The following OXCT1 variants were observed in gnomAD, a reference collection of about 807,000 sequenced individuals.
OXCT1 encodes succinyl-CoA:3-ketoacid coenzyme A transferase 1, mitochondrial.
In OXCT1, 27 loss-of-function variants were observed where a neutral mutation model predicts 69.6. The observed-to-expected ratio is 0.39, with a 90% CI of 0.29 to 0.54. OXCT1 has a LOEUF of 0.54. Ranked by LOEUF, OXCT1 falls within the 20% of genes least tolerant of loss-of-function variation. The pLI, the probability that OXCT1 is intolerant of heterozygous loss-of-function variation, is 0.72. For synonymous variants in OXCT1, 202 were observed against 217.8 expected, an observed-to-expected ratio of 0.93 and a Z score of 0.64; for missense variants, 437 against 650.2, an observed-to-expected ratio of 0.67 and a Z score of 3.57.
intron 9 of OXCT1, among the ~76,000 whole-genome samples, chr5:41,804,837 T>C (rs577149757): frequency 9.4e-4 from 143 of 152,220 alleles, no homozygotes; most frequent in South Asian, 6.4e-3. Flanking sequence ...CTTTCTGTCC[T>C]AGGTCTTTTA....
intron 11 of OXCT1, among the ~76,000 whole-genome samples, chr5:41,797,441 T>C (rs1233221091): frequency 6.6e-6 from 1 of 152,218 alleles, no homozygotes; most frequent in Non-Finnish European, 1.5e-5. Flanking sequence ...TATCCTAAAA[T>C]TGAATCCATG....
At chr5:41,742,854 G>A (rs377248112) in intron 15 of OXCT1, among the ~76,000 whole-genome samples, 1,680 of 152,052 alleles carry the variant, frequency 0.011, 26 homozygotes, top group Middle Eastern at 0.031. Context: ...TATATGTGCC[G>A]CATTTTCTTA....
At chr5:41,804,845 T>C (rs975286117) in intron 9 of OXCT1, among the ~76,000 whole-genome samples, 1 of 152,112 alleles carries the variant, frequency 6.6e-6, no homozygotes, top group Non-Finnish European at 1.5e-5. Flanking sequence ...CCTAGGTCTT[T>C]TAAGTATGGC....
intron 8 of OXCT1, among the ~76,000 whole-genome samples, chr5:41,806,061 GA>G (rs1312495145): frequency 6.6e-6 from 1 of 152,066 alleles, no homozygotes; most frequent in Non-Finnish European, 1.5e-5. Context: ...AGGGCTGTCA[GA>G]ATGTGTTTAC....
At chr5:41,828,266 C>T (rs1388029780) in intron 7 of OXCT1, among the ~76,000 whole-genome samples, 1 of 151,766 alleles carries the variant, frequency 6.6e-6, no homozygotes, top group Non-Finnish European at 1.5e-5. Context: ...TGCCACCATG[C>T]CTGGCTAATT....
intron 1 of OXCT1, 83 bp from the exon 2 acceptor site, chr5:41,862,833 G>C: frequency 1.2e-6 from 1 of 802,570 alleles, no homozygotes; most frequent in Non-Finnish European, 2.2e-6. Flanking sequence ...TCAATTGATA[G>C]ACAAATGATA....
rs115207245 is a variant in OXCT1 at position 41,797,959 on chromosome 5, T to C, written c.1099+3063A>G. 3.5e-3 allele frequency among the ~76,000 whole-genome samples: 535 copies of C among 152,282 alleles called. 4 individuals are homozygous for C. Among genetic ancestry groups the C allele is most frequent in the African/African-American group, 0.012 (509 of 41,552 alleles). ...ATTACAAGGCAAAATGTGATATGCT[T>C]CTCAGAGAGACACTAGATATGTTGT... On this transcript the variant is annotated intron_variant, in intron 11 of 16. Transcript: ENST00000196371.
At chr5:41,863,263 C>T (rs1385124233) in intron 1 of OXCT1, among the ~76,000 whole-genome samples, 3 of 152,144 alleles carry the variant, frequency 2.0e-5, no homozygotes, top group African/African-American at 7.2e-5. Flanking sequence ...ATACTATATA[C>T]ATTGTTGAAC....
intron 13 of OXCT1, among the ~76,000 whole-genome samples, chr5:41,787,965 C>CAACA (rs574055533): frequency 1.3e-5 from 2 of 151,844 alleles, no homozygotes; most frequent in African/African-American, 4.8e-5. Flanking sequence ...AGAAAAAGTG[C>CAACA]AACAAACAGA....
intron 7 of OXCT1, among the ~76,000 whole-genome samples, chr5:41,833,681 T>C (rs1426103030): frequency 6.6e-6 from 1 of 152,094 alleles, no homozygotes; most frequent in Non-Finnish European, 1.5e-5. Flanking sequence ...AAGAACCAAT[T>C]AGAATAACTA....
intron 1 of OXCT1, chr5:41,869,980 GCCA>G: frequency 7.4e-5 from 32 of 435,124 alleles, no homozygotes; most frequent in Middle Eastern, 6.8e-4. Context: ...GCCGACGAGC[GCCA>G]AAGGGCTCGG....
At chr5:41,834,876 A>G (rs533986884) in intron 7 of OXCT1, among the ~76,000 whole-genome samples, 1 of 152,302 alleles carries the variant, frequency 6.6e-6, no homozygotes, top group Non-Finnish European at 1.5e-5. Context: ...ATTTACAGCT[A>G]TAAGTGCCTA....
chr5:41,811,889 T>C (rs1459019639), intron 7 of OXCT1, among the ~76,000 whole-genome samples: 1 of 151,970 alleles, frequency 6.6e-6, no homozygotes, highest in Non-Finnish European at 1.5e-5. Context: ...AGGCATGAAG[T>C]GTGGTGAGGA....
At chr5:41,751,882 A>G (rs1266827392) in intron 14 of OXCT1, among the ~76,000 whole-genome samples, 1 of 152,118 alleles carries the variant, frequency 6.6e-6, no homozygotes, top group African/African-American at 2.4e-5. Context: ...ATTCACATTT[A>G]TAGTGCCAGG....
intron 5 of OXCT1, among the ~76,000 whole-genome samples, chr5:41,845,566 TA>T (rs965917646): frequency 9.6e-4 from 137 of 143,386 alleles, no homozygotes; most frequent in Admixed American, 1.3e-3. Flanking sequence ...CTGCTTTAAG[TA>T]AAAAAAAAAA....
rs76379480 is a variant in OXCT1, at chr5:41,737,052, A to G, written c.1521+2338T>C. 3.3e-3 allele frequency among the ~76,000 whole-genome samples: 505 copies of G among 152,344 alleles called. 2 individuals are homozygous for G. Among genetic ancestry groups the G allele is most frequent in the African/African-American group, 0.011 (445 of 41,582 alleles). ...AACATTTTATTAATTAGGGCACTCCAGCTCTAGCCTTACAGAAAACAACCT... is the reference window on the plus strand; with the variant it reads ...AACATTTTATTAATTAGGGCACTCCGGCTCTAGCCTTACAGAAAACAACCT... On this transcript the variant is annotated intron_variant, in intron 16 of 16. Coordinates refer to ENST00000196371, the MANE Select transcript of OXCT1 (RefSeq NM_000436.4).
chr5:41,783,749 T>C (rs1745520603), intron 13 of OXCT1, among the ~76,000 whole-genome samples: 1 of 152,138 alleles, frequency 6.6e-6, no homozygotes, highest in Non-Finnish European at 1.5e-5. Flanking sequence ...GCAGCATGGT[T>C]TGGAATCAGG....
At chr5:41,850,824 TCCTAGGTA>T (rs1418603454) in intron 4 of OXCT1, among the ~76,000 whole-genome samples, 1 of 152,206 alleles carries the variant, frequency 6.6e-6, no homozygotes, top group South Asian at 2.1e-4. Flanking sequence ...TGACTCTTCT[TCCTAGGTA>T]CCAGTGATTT....
Position 41,752,321 on chromosome 5 carries a change from A to G in OXCT1, c.1339-2714T>C, listed in dbSNP as rs1385639709. On this transcript the variant is annotated intron_variant, in intron 14 of 16. Coordinates refer to ENST00000196371, the MANE Select transcript of OXCT1 (RefSeq NM_000436.4). ...TCAAATGAAATGTTCTGAAACTGCA[A>G]TAAACTAGGGTGGGTTGAATCTAGG... Among the ~76,000 whole-genome samples the G allele has an allele frequency of 2.0e-5, 3 of 152,142 alleles. No individual in the cohort carries two copies. The South Asian group carries it at 6.2e-4, about 31-fold the overall frequency.
Sources: allele counts gnomAD v4.1 joint callset (sites outside exome capture counted in the v4.1 genomes callset), GRCh38; gene constraint gnomAD v4.1.1; transcripts MANE v1.5; gene names NCBI Gene and HGNC (gene_info 2026-07-23, HGNC 2026-07-21).